The following FGF5 variants were observed in gnomAD, a reference collection of about 807,000 sequenced individuals.
FGF5 encodes the protein fibroblast growth factor 5.
In FGF5, 23 loss-of-function variants were observed where a neutral mutation model predicts 21.8. The observed-to-expected ratio is 1.05, with a 90% CI of 0.76 to 1.49. The LOEUF is 1.49. Among genes scored for constraint, FGF5 ranks in the 40% most tolerant of loss-of-function variants. The pLI is 0.00. For missense variants in FGF5, 352 were observed against 332.9 expected, an observed-to-expected ratio of 1.06 and a Z score of -0.45; for synonymous variants, 158 against 124.0, an observed-to-expected ratio of 1.27 and a Z score of -1.82.
In FGF5 at chr4:80,287,376, C is replaced by T. The variant is rs1277153984; in HGVS notation, c.*704C>T. The T allele has an allele frequency of 1.3e-5, 2 of 152,100 alleles. No individual in the cohort carries two copies. The highest frequency in any genetic ancestry group is 2.9e-5 in the Non-Finnish European group (2 of 68,012). 9.4% of individuals were successfully genotyped at this position (152,100 alleles called of 1,614,324 possible). Reference sequence around the variant, plus strand: ...CTTGGATTTGTGTGTATGTGTATGTCAATTCATGACATTATGTGGAATCCT... The same window carrying T: ...CTTGGATTTGTGTGTATGTGTATGTTAATTCATGACATTATGTGGAATCCT... On this transcript the variant is annotated 3_prime_UTR_variant, in exon 3 of 3. Transcript: ENST00000312465.
chr4:80,267,478 C>CA (rs1720129964), intron 1 of FGF5, among the ~76,000 whole-genome samples: 2 of 152,316 alleles, frequency 1.3e-5, no homozygotes, highest in South Asian at 2.1e-4. Context: ...AGTCCCCAGC[C>CA]ATGACAGGAG....
intron 1 of FGF5, among the ~76,000 whole-genome samples, chr4:80,269,581 G>A (rs531080655): frequency 1.3e-5 from 2 of 152,222 alleles, no homozygotes; most frequent in South Asian, 2.1e-4. Context: ...AGAGAACAGG[G>A]ATGTTTCCTA....
chr4:80,278,435 G>T (rs942339099), intron 2 of FGF5, among the ~76,000 whole-genome samples: 2 of 152,124 alleles, frequency 1.3e-5, no homozygotes, highest in African/African-American at 4.8e-5. Context: ...AAGAGGGGAT[G>T]TGTCTGCCAC....
intron 1 of FGF5, among the ~76,000 whole-genome samples, chr4:80,274,578 G>T (rs1255728787): frequency 1.3e-5 from 2 of 151,984 alleles, no homozygotes; most frequent in East Asian, 3.9e-4. Context: ...GAATTATTTT[G>T]AAAAACATTT....
At position 80,266,992 on chromosome 4, in the gene FGF5, C is replaced by A. The variant is rs1391354022; in HGVS notation, c.168C>A (p.Ser56=). 1 of 1,614,204 alleles carries A rather than the reference C, an allele frequency of 6.2e-7. No individual in the cohort carries two copies. The highest frequency in any genetic ancestry group is 8.5e-7 in the Non-Finnish European group (1 of 1,180,032). The part of the protein sequence containing the change: ...SRQSSSSAMS[S]SSASSSPAAS... ...AGAGCAGCAGTAGCGCTATGTCTTC[C>A]TCTTCTGCCTCCTCCTCCCCCGCAG... Residue 56 remains serine, a synonymous_variant, in exon 1 of 3, where the codon TCC becomes TCA. Transcript: ENST00000312465.
At chr4:80,268,859 T>C (rs1477039808) in intron 1 of FGF5, among the ~76,000 whole-genome samples, 1 of 152,242 alleles carries the variant, frequency 6.6e-6, no homozygotes, top group Non-Finnish European at 1.5e-5. Context: ...ATCGAATAAC[T>C]GCTCATTTGG....
chr4:80,269,987 A>G (rs1720223633), intron 1 of FGF5, among the ~76,000 whole-genome samples: 1 of 152,264 alleles, frequency 6.6e-6, no homozygotes, highest in Admixed American at 6.5e-5. Context: ...GAAACTTGCT[A>G]ATTACAATTG....
chr4:80,274,142 C>T (rs780979610), intron 1 of FGF5, among the ~76,000 whole-genome samples: 18 of 152,046 alleles, frequency 1.2e-4, no homozygotes, highest in Non-Finnish European at 2.4e-4. Context: ...ATCCAGTGGA[C>T]GTGAATTTTG....
intron 1 of FGF5, among the ~76,000 whole-genome samples, chr4:80,267,766 T>TAGATAGATAGATAGATAGATACAC (rs1720140340): frequency 6.6e-6 from 1 of 151,434 alleles, no homozygotes; most frequent in African/African-American, 2.4e-5. Flanking sequence ...GATACACAGA[T>TAGATAGATAGATAGATAGATACAC]AGATAGACAG....
At chr4:80,283,789 C>A (rs1048582572) in intron 2 of FGF5, among the ~76,000 whole-genome samples, 4 of 151,656 alleles carry the variant, frequency 2.6e-5, no homozygotes, top group African/African-American at 9.7e-5. Context: ...AAAAAAAACC[C>A]GAGACAAGAT....
At chr4:80,278,854 A>G (rs554494702) in intron 2 of FGF5, among the ~76,000 whole-genome samples, 22 of 152,192 alleles carry the variant, frequency 1.4e-4, no homozygotes, top group Middle Eastern at 3.4e-3. Context: ...ATGAGGATGT[A>G]TGGTCTTCTC....
chr4:80,266,864 C>T lies in FGF5; in HGVS notation c.40C>T (p.Leu14=). The part of the protein sequence containing the change: ...SFLLLLFFSH[L]ILSAWAHGEK... Reference sequence around the variant, plus strand: ...CCTCCTCCTCCTCTTCTTCAGCCACCTGATCCTCAGCGCCTGGGCTCACGG... The same window carrying T: ...CCTCCTCCTCCTCTTCTTCAGCCACTTGATCCTCAGCGCCTGGGCTCACGG... The change falls in exon 1 of 3, where the codon CTG becomes TTG. Residue 14 remains leucine, a synonymous_variant. Transcript: ENST00000312465. 3 of 1,609,578 alleles carry T rather than the reference C, an allele frequency of 1.9e-6. No individual in the cohort carries two copies. Among genetic ancestry groups the T allele is most frequent in the East Asian group, 2.2e-5 (1 of 44,872 alleles).
rs905172216 is a variant in FGF5, at chr4:80,287,450, T to G, written c.*778T>G. On this transcript the variant is annotated 3_prime_UTR_variant, in exon 3 of 3. Coordinates refer to ENST00000312465, the MANE Select transcript of FGF5 (RefSeq NM_004464.4). Reference sequence around the variant, plus strand: ...ATGGGTTAGAAGCAAGGAGAAAATATAAGGACTTTTTGATGGAATTAAATG... The same window carrying G: ...ATGGGTTAGAAGCAAGGAGAAAATAGAAGGACTTTTTGATGGAATTAAATG... 1 of 152,170 alleles carries G rather than the reference T, an allele frequency of 6.6e-6. No homozygotes were observed. Among genetic ancestry groups the G allele is most frequent in the African/African-American group, 2.4e-5 (1 of 41,442 alleles). 9.4% of individuals were successfully genotyped at this position (152,170 alleles called of 1,614,324 possible).
In FGF5 at chr4:80,267,014, G is replaced by T. The variant is rs1249943188; in HGVS notation, c.190G>T (p.Ala64Ser). The change falls in exon 1 of 3, where the codon GCA becomes TCA. Residue 64 changes from alanine to serine, a missense_variant. Transcript: ENST00000312465. ...MSSSSASSSP[A>S]ASLGSQGSGL... is the part of the protein sequence containing the mutation. ...TTCCTCTTCTGCCTCCTCCTCCCCC[G>T]CAGCTTCTCTGGGCAGCCAAGGAAG... 3.7e-6 allele frequency: 6 copies of T among 1,614,116 alleles called. No homozygotes were observed. Among genetic ancestry groups the T allele is most frequent in the South Asian group, 1.1e-5 (1 of 91,094 alleles).
chr4:80,277,205 T>C lies in FGF5; in HGVS notation c.459+2193T>C, dbSNP rs74647327. ...AATGCAAAAACAGCATCTGTTATTC[T>C]TTCTCATCTTGGCAGGCTAAAGTTA... On this transcript the variant is annotated intron_variant, in intron 2 of 2. Coordinates refer to ENST00000312465, the MANE Select transcript of FGF5 (RefSeq NM_004464.4). 2.0e-5 allele frequency among the ~76,000 whole-genome samples: 3 copies of C among 152,174 alleles called. No homozygotes were observed. The East Asian group carries it at 5.8e-4, about 29-fold the overall frequency.
chr4:80,274,818 A>G (rs1271074995), intron 1 of FGF5, 91 bp from the exon 2 acceptor site: 1 of 648,692 alleles, frequency 1.5e-6, no homozygotes, highest in Non-Finnish European at 2.7e-6. Flanking sequence ...TCACAATAAT[A>G]AAGAATGGAA....
chr4:80,270,868 T>C (rs1397775701), intron 1 of FGF5, among the ~76,000 whole-genome samples: 1 of 152,242 alleles, frequency 6.6e-6, no homozygotes, highest in Non-Finnish European at 1.5e-5. Flanking sequence ...ACTACCAATT[T>C]TGGGGTCATG....
chr4:80,267,641 C>T (rs1293227366), intron 1 of FGF5, among the ~76,000 whole-genome samples: 4 of 152,106 alleles, frequency 2.6e-5, no homozygotes, highest in Non-Finnish European at 5.9e-5. Flanking sequence ...AAATACTTCC[C>T]TCTTCCATCC....
chr4:80,266,930 G>A lies in FGF5; in HGVS notation c.106G>A (p.Ala36Thr), dbSNP rs527879794. 109 of 1,614,172 alleles carry A rather than the reference G, an allele frequency of 6.8e-5. 2 individuals are homozygous for A. In the South Asian group the frequency reaches 1.1e-3, roughly 17 times the overall value. The change falls in exon 1 of 3, where the codon GCC becomes ACC. Residue 36 changes from alanine (A) to threonine (T), a missense_variant. By Grantham distance (58) the Ala-to-Thr change is moderately conservative. Transcript: ENST00000312465. ...CCCCAAAGGGCAACCCGGACCCGCT[G>A]CCACTGATAGGAACCCTAGAGGCTC... The part of the protein sequence containing the change: ...LAPKGQPGPA[A>T]TDRNPRGSSS...
Sources: gnomAD v4.1 joint callset for allele counts (sites outside exome capture counted in the v4.1 genomes callset) on GRCh38, gnomAD v4.1.1 for gene constraint, MANE v1.5 for transcripts, NCBI Gene and HGNC (gene_info 2026-07-23, HGNC 2026-07-21) for gene names.